The following NKAIN2 variants were observed in gnomAD, a reference collection of about 807,000 sequenced individuals.
NKAIN2 encodes the protein sodium/potassium transporting ATPase interacting 2, also known as sodium/potassium-transporting ATPase subunit beta-1-interacting protein 2.
Under a neutral mutation model 32.6 loss-of-function variants are expected in NKAIN2, and 14 were observed. The observed-to-expected ratio is 0.43, with a 90% confidence interval of 0.28 to 0.67. NKAIN2 has a LOEUF of 0.67. Ranked by LOEUF, NKAIN2 falls within the 30% of genes least tolerant of loss-of-function variation. The probability of loss-of-function intolerance (pLI) is 0.17; values close to 1 mark genes in which losing one functional copy is unlikely to be tolerated. For missense variants in NKAIN2, 198 were observed against 258.3 expected, an observed-to-expected ratio of 0.77 and a Z score of 1.60; for synonymous variants, 80 against 87.2, an observed-to-expected ratio of 0.92 and a Z score of 0.46.
chr6:124,461,537 G>A (rs62437477), intron 3 of NKAIN2, among the ~76,000 whole-genome samples: 41 of 151,328 alleles, frequency 2.7e-4, no homozygotes, highest in Non-Finnish European at 5.2e-4. Context: ...TTGCCTCTCC[G>A]TTCAATATAT....
At chr6:124,202,475 G>A (rs1336271038) in intron 1 of NKAIN2, among the ~76,000 whole-genome samples, 2 of 135,568 alleles carry the variant, frequency 1.5e-5, no homozygotes, top group East Asian at 4.5e-4. Flanking sequence ...TCATTCAACT[G>A]TTGTTCTAAC....
chr6:124,063,043 C>T (rs761202881), intron 1 of NKAIN2, among the ~76,000 whole-genome samples: 12 of 151,910 alleles, frequency 7.9e-5, no homozygotes, highest in East Asian at 5.8e-4. Context: ...AAAATTCGCC[C>T]GGCATGCTGA....
At chr6:124,033,965 C>T (rs189379126) in intron 1 of NKAIN2, among the ~76,000 whole-genome samples, 1 of 152,008 alleles carries the variant, frequency 6.6e-6, no homozygotes, top group African/African-American at 2.4e-5. Context: ...TACATGTTCA[C>T]AATTAAAGTT....
chr6:124,733,597 T>C (rs4255000), intron 4 of NKAIN2, among the ~76,000 whole-genome samples: 18,944 of 151,690 alleles, frequency 0.12, 1,528 homozygotes, highest in East Asian at 0.35. Context: ...ATTAAGTAAA[T>C]AGATGGAGAA....
intron 5 of NKAIN2, among the ~76,000 whole-genome samples, chr6:124,801,937 C>G (rs1308364007): frequency 6.6e-6 from 1 of 152,170 alleles, no homozygotes; most frequent in Non-Finnish European, 1.5e-5. Flanking sequence ...CAGGAATGAT[C>G]TTAAGTTCTT....
At chr6:124,456,374 C>A (rs1776323050) in intron 3 of NKAIN2, among the ~76,000 whole-genome samples, 1 of 151,454 alleles carries the variant, frequency 6.6e-6, no homozygotes. Context: ...ATAATATAGT[C>A]CTTTACCCAC....
chr6:124,160,045 T>C (rs145107547), intron 1 of NKAIN2, among the ~76,000 whole-genome samples: 240 of 152,206 alleles, frequency 1.6e-3, no homozygotes, highest in Middle Eastern at 3.4e-3. Context: ...GCAATGCCAG[T>C]TGTTTGGCAG....
intron 1 of NKAIN2, among the ~76,000 whole-genome samples, chr6:124,255,810 GCT>G (rs2114823832): frequency 6.6e-6 from 1 of 152,248 alleles, no homozygotes; most frequent in African/African-American, 2.4e-5. Flanking sequence ...CTTAAAATAT[GCT>G]CTCACTTGTC....
chr6:124,363,720 A>G (rs1799394837), intron 3 of NKAIN2, among the ~76,000 whole-genome samples: 1 of 152,180 alleles, frequency 6.6e-6, no homozygotes, highest in African/African-American at 2.4e-5. Context: ...ACTCAGCACA[A>G]TTCTTGATTG....
At position 123,865,217 on chromosome 6, in the gene NKAIN2, C is replaced by A. The variant is rs73551322; in HGVS notation, c.54+60963C>A. On this transcript the variant is annotated intron_variant, in intron 1 of 6. Coordinates refer to ENST00000368417, the MANE Select transcript of NKAIN2 (RefSeq NM_001040214.3). Reference sequence around the variant, plus strand: ...CTATTGTATTATTTATGAAACAAGTCTCTTGGATATTTTGGTAATTTTATC... The same window carrying A: ...CTATTGTATTATTTATGAAACAAGTATCTTGGATATTTTGGTAATTTTATC... Among the ~76,000 whole-genome samples the A allele has an allele frequency of 6.9e-3, 1,050 of 152,038 alleles. 7 individuals carry two copies. Among genetic ancestry groups the A allele is most frequent in the African/African-American group, 0.024 (982 of 41,514 alleles).
intron 3 of NKAIN2, among the ~76,000 whole-genome samples, chr6:124,550,068 CTG>C (rs1780235068): frequency 6.6e-6 from 1 of 152,164 alleles, no homozygotes; most frequent in South Asian, 2.1e-4. Flanking sequence ...GCAAATATGA[CTG>C]TGGCATTCTA....
chr6:124,405,782 CTTAAAG>C (rs1157483535), intron 3 of NKAIN2, among the ~76,000 whole-genome samples: 1 of 151,990 alleles, frequency 6.6e-6, no homozygotes, highest in Non-Finnish European at 1.5e-5. Flanking sequence ...ATACAAATAA[CTTAAAG>C]TTTAATACAT....
chr6:123,868,789 A>C (rs4895931), intron 1 of NKAIN2, among the ~76,000 whole-genome samples: 38,409 of 152,084 alleles, frequency 0.25, 5,316 homozygotes, highest in East Asian at 0.48. Context: ...CCACATGACC[A>C]ACTGTACCTT....
intron 3 of NKAIN2, among the ~76,000 whole-genome samples, chr6:124,569,098 C>G (rs1298474522): frequency 6.6e-6 from 1 of 152,198 alleles, no homozygotes; most frequent in Non-Finnish European, 1.5e-5. Flanking sequence ...TCCTACCATA[C>G]TACTCAAGGT....
At chr6:124,699,613 C>A (rs1359989381) in intron 4 of NKAIN2, among the ~76,000 whole-genome samples, 1 of 152,084 alleles carries the variant, frequency 6.6e-6, no homozygotes, top group Non-Finnish European at 1.5e-5. Flanking sequence ...AAGTGTGGAG[C>A]ACCTTCCCCA....
chr6:124,268,710 A>G (rs927153761), intron 1 of NKAIN2, among the ~76,000 whole-genome samples: 5 of 151,136 alleles, frequency 3.3e-5, no homozygotes, highest in African/African-American at 1.2e-4. Context: ...ATATATTATA[A>G]CATATATATT....
At position 124,728,809 on chromosome 6, in the gene NKAIN2, A is replaced by T. The variant is rs569287509; in HGVS notation, c.475-62530A>T. ...GGATTAACAAAATTGATAGACCGCTAGCAAGACTAATAAAGAAAAAAAGAG... is the reference window on the plus strand; with the variant it reads ...GGATTAACAAAATTGATAGACCGCTTGCAAGACTAATAAAGAAAAAAAGAG... On this transcript the variant is annotated intron_variant, in intron 4 of 6. Transcript: ENST00000368417. Among the ~76,000 whole-genome samples, 18 of 151,792 alleles carry T rather than the reference A, an allele frequency of 1.2e-4. 1 individual carries two copies. Among genetic ancestry groups the T allele is most frequent in the African/African-American group, 4.1e-4 (17 of 41,424 alleles).
rs139699352 is a variant in NKAIN2, at chr6:124,081,326, G to A, written c.55-201679G>A. Among the ~76,000 whole-genome samples, 887 of 152,144 alleles carry A rather than the reference G, an allele frequency of 5.8e-3. 5 individuals carry two copies. Among genetic ancestry groups the A allele is most frequent in the East Asian group, 0.024 (125 of 5,164 alleles). ...TTTAGTAATGAGACCAATTTTATTTGTGTGTGATTGTTGAAATCAAATAAG... is the reference window on the plus strand; with the variant it reads ...TTTAGTAATGAGACCAATTTTATTTATGTGTGATTGTTGAAATCAAATAAG... On this transcript the variant is annotated intron_variant, in intron 1 of 6. Coordinates refer to ENST00000368417, the MANE Select transcript of NKAIN2 (RefSeq NM_001040214.3).
intron 1 of NKAIN2, among the ~76,000 whole-genome samples, chr6:123,877,691 T>C (rs1001313541): frequency 6.6e-6 from 1 of 152,208 alleles, no homozygotes; most frequent in African/African-American, 2.4e-5. Context: ...TGTTCTTTAG[T>C]GCTATTTTGA....
Sources: allele counts gnomAD v4.1 joint callset (sites outside exome capture counted in the v4.1 genomes callset), GRCh38; gene constraint gnomAD v4.1.1; transcripts MANE v1.5; gene names NCBI Gene and HGNC (gene_info 2026-07-23, HGNC 2026-07-21).